The following ITFG1 variants were observed in gnomAD, a reference collection of about 807,000 sequenced individuals.
The protein encoded by ITFG1 is integrin alpha FG-GAP repeat containing 1, also known as T-cell immunomodulatory protein.
ITFG1 carries 34 observed loss-of-function variants against 81.8 expected under a neutral mutation model. The observed-to-expected ratio is 0.42, with a 90% confidence interval of 0.32 to 0.55. The LOEUF is 0.55. Among genes scored for constraint, ITFG1 ranks in the 20% least tolerant of loss-of-function variants. ITFG1 has a pLI of 0.17. For missense variants in ITFG1, 672 were observed against 755.4 expected (o/e 0.89, Z 1.29); for synonymous variants, 285 against 270.6 (o/e 1.05, Z -0.52).
chr16:47,304,097 A>G (rs749955447), intron 10 of ITFG1, among the ~76,000 whole-genome samples: 6 of 152,228 alleles, frequency 3.9e-5, no homozygotes, highest in Non-Finnish European at 8.8e-5. Flanking sequence ...TTTGGGATTT[A>G]TAGTTGTAGA....
At chr16:47,297,750 C>T (rs941655025) in intron 10 of ITFG1, among the ~76,000 whole-genome samples, 4 of 151,550 alleles carry the variant, frequency 2.6e-5, no homozygotes, top group Non-Finnish European at 5.9e-5. Flanking sequence ...TTATAGGCAA[C>T]TAGACATCAG....
rs1162767629 is a variant in ITFG1, at chr16:47,460,995, G to A, written c.51C>T (p.Leu17=). The change falls in exon 1 of 18, where the codon CTC becomes CTT. Residue 17 remains leucine, a synonymous_variant. Transcript: ENST00000320640. The part of the protein sequence containing the change: ...LPSSWALFSP[L]LAGLALLGVG... ...CTCCCAGTAGTGCAAGCCCTGCGAG[G>A]AGCGGCGAGAAGAGGGCCCAGGAGC... 2.5e-6 allele frequency: 4 copies of A among 1,572,844 alleles called. No individual in the cohort carries two copies. The highest frequency in any genetic ancestry group is 3.7e-5 in the Admixed American group (2 of 54,114).
intron 17 of ITFG1, among the ~76,000 whole-genome samples, chr16:47,156,263 C>A (rs1354861964): frequency 6.6e-6 from 1 of 152,002 alleles, no homozygotes; most frequent in Admixed American, 6.6e-5. Context: ...ATGGTGAAAC[C>A]CCGTCTCTAC....
At chr16:47,181,934 G>A (rs1317703477) in intron 14 of ITFG1, among the ~76,000 whole-genome samples, 5 of 152,116 alleles carry the variant, frequency 3.3e-5, no homozygotes, top group Admixed American at 6.5e-5. Context: ...AGGTTAAATG[G>A]ATTAAGGGCG....
At position 47,460,989 on chromosome 16, in the gene ITFG1, T is replaced by C. The variant is rs1488162312; in HGVS notation, c.57A>G (p.Ala19=). 6.3e-7 allele frequency: 1 copy of C among 1,583,000 alleles called. No homozygotes were observed. The highest frequency in any genetic ancestry group is 8.6e-7 in the Non-Finnish European group (1 of 1,164,816). ...GCCCGACTCCCAGTAGTGCAAGCCCTGCGAGGAGCGGCGAGAAGAGGGCCC... is the reference window on the plus strand; with the variant it reads ...GCCCGACTCCCAGTAGTGCAAGCCCCGCGAGGAGCGGCGAGAAGAGGGCCC... ...SSWALFSPLL[A]GLALLGVGPV... is the part of the protein sequence containing the mutation. Residue 19 remains alanine (A), a synonymous_variant, in exon 1 of 18, where the codon GCA becomes GCG. Transcript: ENST00000320640.
At chr16:47,314,550 T>C (rs1596885825) in intron 8 of ITFG1, among the ~76,000 whole-genome samples, 2 of 152,214 alleles carry the variant, frequency 1.3e-5, no homozygotes, top group African/African-American at 4.8e-5. Flanking sequence ...CACAGTATTC[T>C]GCTAAGGCCT....
intron 13 of ITFG1, among the ~76,000 whole-genome samples, chr16:47,223,450 A>G (rs918448539): frequency 8.5e-5 from 13 of 152,260 alleles, no homozygotes; most frequent in Non-Finnish European, 1.3e-4. Flanking sequence ...TGCAGCCAAA[A>G]AACACATGGA....
intron 14 of ITFG1, among the ~76,000 whole-genome samples, chr16:47,170,922 G>C (rs952332154): frequency 6.7e-6 from 1 of 148,468 alleles, no homozygotes; most frequent in African/African-American, 2.5e-5. Context: ...TTTAGTAGAG[G>C]TGGTGCTTCG....
At chr16:47,409,600 G>T (rs1378939321) in intron 6 of ITFG1, among the ~76,000 whole-genome samples, 5 of 146,934 alleles carry the variant, frequency 3.4e-5, no homozygotes, top group Non-Finnish European at 7.5e-5. Context: ...ATTTTTTTTT[G>T]TAGAGATGGA....
Position 47,155,732 on chromosome 16 carries a change from A to T in ITFG1, c.1826T>A (p.Phe609Tyr), listed in dbSNP as rs1431724415. The T allele has an allele frequency of 6.2e-7, 1 of 1,608,924 alleles. No homozygotes were observed. Among genetic ancestry groups the T allele is most frequent in the East Asian group, 2.2e-5 (1 of 44,560 alleles). ...ATTAAAGGCAAGTCACATAGCATCA[A>T]AATGAAACCGGTGGGCTTCTTGTCG... ...EKRQEAHRFH[F>Y]DAM is the part of the protein sequence containing the mutation. The change falls in exon 18 of 18, where the codon TTT (phenylalanine) becomes TAT (tyrosine). Residue 609 changes from phenylalanine to tyrosine, a missense_variant. Phe to Tyr is a conservative substitution (Grantham distance 22). Transcript: ENST00000320640.
intron 6 of ITFG1, among the ~76,000 whole-genome samples, chr16:47,416,202 A>G (rs2151604810): frequency 6.6e-6 from 1 of 152,322 alleles, no homozygotes; most frequent in East Asian, 1.9e-4. Context: ...AAAATCAGGC[A>G]CCAGAGCAAT....
intron 8 of ITFG1, among the ~76,000 whole-genome samples, chr16:47,331,339 G>C (rs565243893): frequency 2.6e-3 from 403 of 152,224 alleles, no homozygotes; most frequent in Non-Finnish European, 3.6e-3. Flanking sequence ...GGGACAGAGG[G>C]AAGAGGGCAA....
At chr16:47,304,565 A>T (rs1229664930) in intron 10 of ITFG1, among the ~76,000 whole-genome samples, 3 of 152,228 alleles carry the variant, frequency 2.0e-5, no homozygotes, top group Admixed American at 6.5e-5. Context: ...CTTTGAGCAT[A>T]AATGTTGTCT....
intron 16 of ITFG1, among the ~76,000 whole-genome samples, chr16:47,160,444 G>A (rs748932009): frequency 1.6e-4 from 25 of 151,520 alleles, no homozygotes; most frequent in Non-Finnish European, 2.8e-4. Flanking sequence ...TTCTATGTCC[G>A]TGGCAGTGAA....
At chr16:47,181,428 G>A (rs1277266873) in intron 14 of ITFG1, among the ~76,000 whole-genome samples, 1 of 145,100 alleles carries the variant, frequency 6.9e-6, no homozygotes, top group African/African-American at 2.6e-5. Context: ...CGCCCGGCCA[G>A]CCGCCCCGTC....
At chr16:47,406,697 T>C (rs1968733639) in intron 6 of ITFG1, among the ~76,000 whole-genome samples, 1 of 152,156 alleles carries the variant, frequency 6.6e-6, no homozygotes, top group Admixed American at 6.5e-5. Context: ...ACATTAAGTA[T>C]ATAGTATTTT....
chr16:47,437,501 GGATATATGTT>G (rs1353825749), intron 5 of ITFG1, among the ~76,000 whole-genome samples: 3 of 150,458 alleles, frequency 2.0e-5, no homozygotes, highest in African/African-American at 7.3e-5. Flanking sequence ...TATCTCTTAA[GGATATATGTT>G]GAAATATTTA....
intron 8 of ITFG1, among the ~76,000 whole-genome samples, chr16:47,321,622 G>A (rs1350634982): frequency 2.0e-5 from 3 of 152,142 alleles, no homozygotes; most frequent in Non-Finnish European, 4.4e-5. Context: ...CCAGGAGTTG[G>A]AGGCTGCAGA....
intron 13 of ITFG1, among the ~76,000 whole-genome samples, chr16:47,231,731 C>G (rs142078094): frequency 1.4e-3 from 216 of 152,298 alleles, no homozygotes; most frequent in African/African-American, 5.1e-3. Flanking sequence ...TTAGGGCCTA[C>G]TATGGTCTAT....
Sources: gnomAD v4.1 joint callset for allele counts (sites outside exome capture counted in the v4.1 genomes callset) on GRCh38, gnomAD v4.1.1 for gene constraint, MANE v1.5 for transcripts, NCBI Gene and HGNC (gene_info 2026-07-23, HGNC 2026-07-21) for gene names.